The following TATDN1 variants were observed in gnomAD, a reference collection of about 807,000 sequenced individuals.
TATDN1 encodes the protein deoxyribonuclease TATDN1.
Under a neutral mutation model 46.4 loss-of-function variants are expected in TATDN1, and 40 were observed. The ratio of observed to expected loss-of-function variants is 0.86; its 90% confidence interval spans 0.67 to 1.12. The LOEUF (loss-of-function observed/expected upper bound fraction) is 1.12. Among genes scored for constraint, TATDN1 ranks in the 50% most tolerant of loss-of-function variants. The probability of loss-of-function intolerance (pLI) is 0.00; values close to 1 mark genes in which losing one functional copy is unlikely to be tolerated. For synonymous variants in TATDN1, 95 were observed against 105.6 expected (o/e 0.90, Z 0.62); for missense variants, 326 against 348.4 (o/e 0.94, Z 0.51).
chr8:124,491,979 T>C (rs1178332832), intron 11 of TATDN1, among the ~76,000 whole-genome samples: 4 of 151,740 alleles, frequency 2.6e-5, no homozygotes, highest in African/African-American at 9.7e-5. Context: ...ACAGTTCTTT[T>C]TTTTTTTTTT....
At position 124,497,342 on chromosome 8, in the gene TATDN1, T is replaced by C. The variant is rs550510446; in HGVS notation, c.594-1800A>G. Among the ~76,000 whole-genome samples the C allele has an allele frequency of 1.4e-3, 210 of 150,784 alleles. No individual in the cohort carries two copies. The Middle Eastern group carries it at 0.017, about 12-fold the overall frequency. On this transcript the variant is annotated intron_variant, in intron 9 of 11. Transcript: ENST00000276692. The stretch of plus-strand genomic sequence containing the variant: ...ACTCTGTTGCCCAGGCTGGAGTGCG[T>C]TGGCAAAATCCCGGCGAGCTGCAAC...
At chr8:124,497,238 G>A (rs991168275) in intron 9 of TATDN1, among the ~76,000 whole-genome samples, 2 of 151,258 alleles carry the variant, frequency 1.3e-5, no homozygotes, top group East Asian at 1.9e-4. Context: ...TTTCATCTGC[G>A]TTGCAGTTTA....
intron 9 of TATDN1, among the ~76,000 whole-genome samples, chr8:124,496,614 C>T (rs75515197): frequency 0.092 from 13,948 of 152,198 alleles, 959 homozygotes; most frequent in South Asian, 0.29. Context: ...CTTTCACTTG[C>T]AAATACACAT....
chr8:124,529,001 C>G (rs1243554523), intron 1 of TATDN1, among the ~76,000 whole-genome samples: 1 of 152,180 alleles, frequency 6.6e-6, no homozygotes, highest in Non-Finnish European at 1.5e-5. Flanking sequence ...TAAGCCCGTG[C>G]CTAGGCAAAC....
intron 3 of TATDN1, among the ~76,000 whole-genome samples, chr8:124,520,713 C>A (rs1819957091): frequency 6.6e-6 from 1 of 151,896 alleles, no homozygotes; most frequent in African/African-American, 2.4e-5. Flanking sequence ...GAAGCCAAGG[C>A]TGGCAGATCA....
intron 1 of TATDN1, among the ~76,000 whole-genome samples, chr8:124,524,735 A>T (rs1820340476): frequency 6.6e-6 from 1 of 152,200 alleles, no homozygotes; most frequent in Non-Finnish European, 1.5e-5. Context: ...AATTTTGAAT[A>T]CAAGGACAAG....
intron 3 of TATDN1, among the ~76,000 whole-genome samples, chr8:124,519,199 G>A (rs922781621): frequency 6.6e-6 from 1 of 152,190 alleles, no homozygotes; most frequent in South Asian, 2.1e-4. Context: ...TTATGAAAGC[G>A]TGAATAACGA....
At chr8:124,503,488 CTTAGACAT>C (rs1818153362) in intron 9 of TATDN1, among the ~76,000 whole-genome samples, 1 of 152,142 alleles carries the variant, frequency 6.6e-6, no homozygotes, top group South Asian at 2.1e-4. Context: ...ATGAAAGCAT[CTTAGACAT>C]TTAAACTCTG....
chr8:124,526,564 G>T (rs2131543835), intron 1 of TATDN1: 1 of 152,326 alleles, frequency 6.6e-6, no homozygotes, highest in Non-Finnish European at 1.5e-5. Context: ...GGAGAAAACT[G>T]AAGGATTCAT....
chr8:124,538,057 A>G (rs536145211), intron 1 of TATDN1, among the ~76,000 whole-genome samples: 1 of 152,274 alleles, frequency 6.6e-6, no homozygotes, highest in African/African-American at 2.4e-5. Context: ...TGGATGTCCT[A>G]TAATTATCTC....
rs375031994 is a variant in TATDN1, at chr8:124,504,266, C to T, written c.593+5G>A. The T allele has an allele frequency of 3.1e-5, 49 of 1,590,610 alleles. No homozygotes were observed. Among genetic ancestry groups the T allele is most frequent in the African/African-American group, 5.4e-5 (4 of 73,812 alleles). On this transcript the variant is annotated splice_donor_5th_base_variant and intron_variant, in intron 9 of 11. Coordinates refer to ENST00000276692, the MANE Select transcript of TATDN1 (RefSeq NM_032026.4). ...GTTAAAAACCAAAGCAACCTAAGAACGTACCAACCATTAAATCCTATATAA... is the reference window on the plus strand; with the variant it reads ...GTTAAAAACCAAAGCAACCTAAGAATGTACCAACCATTAAATCCTATATAA...
At chr8:124,503,209 G>A (rs1301888442) in intron 9 of TATDN1, among the ~76,000 whole-genome samples, 6 of 152,058 alleles carry the variant, frequency 3.9e-5, no homozygotes, top group African/African-American at 9.7e-5. Context: ...GGATTAGTAC[G>A]GGATATAAGA....
rs184429627 is a variant in TATDN1 at position 124,511,854 on chromosome 8, C to T, written c.390-3166G>A. Among the ~76,000 whole-genome samples the T allele has an allele frequency of 2.0e-3, 303 of 152,246 alleles. 3 individuals are homozygous for T. Among genetic ancestry groups the T allele is most frequent in the Non-Finnish European group, 2.6e-3 (174 of 68,026 alleles). On this transcript the variant is annotated intron_variant, in intron 6 of 11. Coordinates refer to ENST00000276692, the MANE Select transcript of TATDN1 (RefSeq NM_032026.4). The stretch of plus-strand genomic sequence containing the variant: ...TCTGCATGACTCATGTCACTATGGG[C>T]TTTATGTGCCTTATGTTAAGAAAGG...
intron 1 of TATDN1, among the ~76,000 whole-genome samples, chr8:124,533,943 G>A (rs1237791626): frequency 2.0e-5 from 3 of 151,622 alleles, no homozygotes; most frequent in Admixed American, 1.3e-4. Flanking sequence ...TCAGGAGATC[G>A]AGACCATCCT....
chr8:124,493,304 T>C (rs1259094086), intron 11 of TATDN1, among the ~76,000 whole-genome samples: 1 of 152,230 alleles, frequency 6.6e-6, no homozygotes, highest in Non-Finnish European at 1.5e-5. Flanking sequence ...AATTGGATTA[T>C]GTACCCATTA....
At chr8:124,511,111 C>T (rs1416953571) in intron 6 of TATDN1, among the ~76,000 whole-genome samples, 1 of 152,144 alleles carries the variant, frequency 6.6e-6, no homozygotes, top group East Asian at 1.9e-4. Context: ...CTGTTTTACT[C>T]ACTTATTATT....
At chr8:124,518,114 A>T (rs1361596216) in intron 4 of TATDN1, among the ~76,000 whole-genome samples, 1 of 146,670 alleles carries the variant, frequency 6.8e-6, no homozygotes, top group East Asian at 2.1e-4. Context: ...TGGGAGGCTG[A>T]GGCAGGAGAA....
Position 124,493,828 on chromosome 8 carries a change from C to G in TATDN1, c.791+5G>C. 6.3e-7 allele frequency: 1 copy of G among 1,591,834 alleles called. No homozygotes were observed. Among genetic ancestry groups the G allele is most frequent in the Non-Finnish European group, 8.5e-7 (1 of 1,174,102 alleles). On this transcript the variant is annotated splice_donor_5th_base_variant and intron_variant, in intron 11 of 11. Transcript: ENST00000276692. ...TTTTGAAGACCATGAAAGCAAAATACTCACATTATATGGCAGGGTTCATTT... is the reference window on the plus strand; with the variant it reads ...TTTTGAAGACCATGAAAGCAAAATAGTCACATTATATGGCAGGGTTCATTT...
At chr8:124,530,038 C>G (rs181185175) in intron 1 of TATDN1, among the ~76,000 whole-genome samples, 144 of 152,044 alleles carry the variant, frequency 9.5e-4, no homozygotes, top group African/African-American at 3.4e-3. Context: ...TTATAGTGAG[C>G]TGAGATCTCA....
Sources: gnomAD v4.1 joint callset for allele counts (sites outside exome capture counted in the v4.1 genomes callset) on GRCh38, gnomAD v4.1.1 for gene constraint, MANE v1.5 for transcripts, NCBI Gene and HGNC (gene_info 2026-07-23, HGNC 2026-07-21) for gene names.